The following FANCM variants were observed in gnomAD, a reference collection of about 807,000 sequenced individuals.
FANCM encodes FA complementation group M.
Under a neutral mutation model 199.5 loss-of-function variants are expected in FANCM, and 140 were observed. The observed-to-expected ratio is 0.70, with a 90% CI of 0.61 to 0.81. The LOEUF is 0.81. Among genes scored for constraint, FANCM ranks in the 30% least tolerant of loss-of-function variants. FANCM has a pLI of 0.00. For synonymous variants in FANCM, 840 were observed against 836.8 expected (o/e 1.00, Z -0.07); for missense variants, 2,410 against 2,421.4 (o/e 1.00, Z 0.10).
At chr14:45,193,281 A>G (rs1040940768) in intron 20 of FANCM, among the ~76,000 whole-genome samples, 19 of 152,218 alleles carry the variant, frequency 1.2e-4, no homozygotes, top group Admixed American at 3.9e-4. Context: ...AGGGAGAGTA[A>G]GATCACTGAG....
chr14:45,199,005 A>G, intron 22 of FANCM, 70 bp downstream of exon 22: 1 of 1,288,186 alleles, frequency 7.8e-7, no homozygotes, highest in Non-Finnish European at 1.1e-6. Flanking sequence ...TAGAAGTTTA[A>G]TGTTAAAAAA....
chr14:45,199,918 TGAG>T lies in FANCM; in HGVS notation c.6061_6063del (p.Glu2021del), dbSNP rs770012987. Reference sequence around the variant, plus strand: ...ATGCACAAGTAACTCATCAGAAGGCTGAGGAGATCTATAGATATATTCACTATG... The same window carrying T: ...ATGCACAAGTAACTCATCAGAAGGCTGAGATCTATAGATATATTCACTATG... On this transcript the variant is annotated inframe_deletion, in exon 23 of 23. Coordinates refer to ENST00000267430, the MANE Select transcript of FANCM (RefSeq NM_020937.4). 2.9e-5 allele frequency: 47 copies of T among 1,608,638 alleles called. No homozygotes were observed. The African/African-American group carries it at 4.0e-4, about 14-fold the overall frequency.
chr14:45,165,534 C>T (rs138926585), intron 10 of FANCM, among the ~76,000 whole-genome samples: 3,155 of 152,034 alleles, frequency 0.021, 113 homozygotes, highest in African/African-American at 0.072. Flanking sequence ...GGTAACAGAG[C>T]GAGACTCCAT....
intron 8 of FANCM, among the ~76,000 whole-genome samples, chr14:45,157,131 C>G (rs1229952781): frequency 6.6e-6 from 1 of 151,804 alleles, no homozygotes; most frequent in Non-Finnish European, 1.5e-5. Context: ...ATATATACAA[C>G]TTTTATTTGT....
chr14:45,140,348 G>A (rs1169002025), intron 2 of FANCM, among the ~76,000 whole-genome samples: 26 of 152,174 alleles, frequency 1.7e-4, no homozygotes, highest in Admixed American at 1.7e-3. Context: ...ACAAGCGTGA[G>A]CCACTGTGCC....
chr14:45,137,401 C>A, intron 2 of FANCM, 160 bp downstream of exon 2: 1 of 642,084 alleles, frequency 1.6e-6, no homozygotes, highest in Middle Eastern at 4.2e-4. Flanking sequence ...TCTGTACTTT[C>A]TGTCATCCAT....
In FANCM at chr14:45,183,798, A is replaced by G. The variant is rs781028707; in HGVS notation, c.4411A>G (p.Ser1471Gly). Residue 1471 changes from serine (S) to glycine (G), a missense_variant, in exon 17 of 23, where the codon AGT (serine) becomes GGT (glycine). By Grantham distance (56) the Ser-to-Gly change is moderately conservative. Transcript: ENST00000267430. ...NRSELSSSDE[S>G]ENFPKPCSQL... ...GTCAGAATTATCATCTAGTGATGAG[A>G]GTGAGAATTTTCCCAAACCATGTTC... The G allele has an allele frequency of 6.2e-7, 1 of 1,608,396 alleles. No individual in the cohort carries two copies. Among genetic ancestry groups the G allele is most frequent in the Non-Finnish European group, 8.5e-7 (1 of 1,175,074 alleles).
At chr14:45,139,932 C>T (rs146026102) in intron 2 of FANCM, among the ~76,000 whole-genome samples, 1 of 152,170 alleles carries the variant, frequency 6.6e-6, no homozygotes, top group East Asian at 1.9e-4. Flanking sequence ...CTACAGTGAG[C>T]TATGATGGAT....
At chr14:45,148,812 A>G in intron 3 of FANCM, 25 bp from the exon 4 acceptor site, 1 of 1,560,090 alleles carries the variant, frequency 6.4e-7, no homozygotes, top group Admixed American at 1.7e-5. Context: ...GTAGTTTATA[A>G]TCATACTTAA....
chr14:45,159,382 A>G (rs1887424942), intron 9 of FANCM, 102 bp downstream of exon 9: 2 of 781,460 alleles, frequency 2.6e-6, no homozygotes, highest in Admixed American at 2.5e-5. Flanking sequence ...AGCTACTTAA[A>G]AAGAATTTTA....
In FANCM at chr14:45,135,962, T is replaced by A. The variant is rs1177656144; in HGVS notation, c.-70T>A. 1 of 1,546,448 alleles carries A rather than the reference T, an allele frequency of 6.5e-7. No homozygotes were observed. The highest frequency in any genetic ancestry group is 8.9e-7 in the Non-Finnish European group (1 of 1,122,656). On this transcript the variant is annotated 5_prime_UTR_variant, in exon 1 of 23. Coordinates refer to ENST00000267430, the MANE Select transcript of FANCM (RefSeq NM_020937.4). ...TTTGTGCGAAGGAAACCGATGGGGATCGGAACCGTAGCGGTTGAGCTGCTG... is the reference window on the plus strand; with the variant it reads ...TTTGTGCGAAGGAAACCGATGGGGAACGGAACCGTAGCGGTTGAGCTGCTG...
chr14:45,147,266 C>T (rs1886467766), intron 3 of FANCM, among the ~76,000 whole-genome samples: 1 of 152,060 alleles, frequency 6.6e-6, no homozygotes, highest in South Asian at 2.1e-4. Context: ...CCGCCCCCCC[C>T]AAAACCAAGC....
intron 8 of FANCM, among the ~76,000 whole-genome samples, chr14:45,158,205 AAAAC>A (rs1294465174): frequency 6.6e-6 from 1 of 152,168 alleles, no homozygotes; most frequent in Admixed American, 6.6e-5. Flanking sequence ...CTCAAAAATA[AAAAC>A]AAACAACCAA....
At chr14:45,177,216 A>G (rs1192494456) in intron 14 of FANCM, among the ~76,000 whole-genome samples, 1 of 150,328 alleles carries the variant, frequency 6.7e-6, no homozygotes, top group Non-Finnish European at 1.5e-5. Flanking sequence ...AAATACACGA[A>G]GATGAGTAAG....
chr14:45,177,078 A>G, intron 14 of FANCM, 102 bp downstream of exon 14: 1 of 710,544 alleles, frequency 1.4e-6, no homozygotes, highest in Non-Finnish European at 2.4e-6. Context: ...ACATGGTACA[A>G]TATAAATATT....
intron 20 of FANCM, among the ~76,000 whole-genome samples, chr14:45,190,795 A>G (rs182908885): frequency 4.6e-5 from 7 of 150,572 alleles, no homozygotes; most frequent in Non-Finnish European, 5.9e-5. Flanking sequence ...TTAAGTCTTT[A>G]TAATAGACTG....
At chr14:45,153,393 G>C (rs1010843277) in intron 5 of FANCM, among the ~76,000 whole-genome samples, 3 of 152,194 alleles carry the variant, frequency 2.0e-5, no homozygotes, top group African/African-American at 7.2e-5. Context: ...CTCAGTGTCA[G>C]ATATTTTCAC....
Position 45,170,580 on chromosome 14 carries a change from A to C in FANCM, c.2003-9A>C. The C allele has an allele frequency of 6.3e-7, 1 of 1,581,654 alleles. No individual in the cohort carries two copies. The highest frequency in any genetic ancestry group is 8.7e-7 in the Non-Finnish European group (1 of 1,152,922). ...AAAGTCTCTTTTCCATTATTTTTTC[A>C]ACTTATAGGAATGAGGCAAAGTAGC... On this transcript the variant is annotated splice_polypyrimidine_tract_variant and intron_variant, in intron 11 of 22. Transcript: ENST00000267430.
At chr14:45,160,240 C>T (rs1389058057) in intron 9 of FANCM, among the ~76,000 whole-genome samples, 11 of 151,472 alleles carry the variant, frequency 7.3e-5, no homozygotes, top group Non-Finnish European at 7.4e-5. Flanking sequence ...GTGATCCGCC[C>T]GCCTCAGCCT....
Sources: gnomAD v4.1 joint callset for allele counts (sites outside exome capture counted in the v4.1 genomes callset) on GRCh38, gnomAD v4.1.1 for gene constraint, MANE v1.5 for transcripts, NCBI Gene and HGNC (gene_info 2026-07-23, HGNC 2026-07-21) for gene names.